NCAM2: variants seen among roughly 807,000 people sequenced by gnomAD.
NCAM2 encodes the protein N-CAM-2.
NCAM2 carries 30 observed loss-of-function variants against 98.1 expected under a neutral mutation model. That is an observed-to-expected ratio of 0.31 (90% CI 0.23 to 0.41). NCAM2 has a LOEUF of 0.41. Ranked by LOEUF, NCAM2 falls within the 10% of genes least tolerant of loss-of-function variation. The pLI, the probability that NCAM2 is intolerant of heterozygous loss-of-function variation, is 1.00. For synonymous variants in NCAM2, 368 were observed against 342.4 expected, an observed-to-expected ratio of 1.07 and a Z score of -0.83; for missense variants, 867 against 1,005.8, an observed-to-expected ratio of 0.86 and a Z score of 1.87.
intron 1 of NCAM2, among the ~76,000 whole-genome samples, chr21:21,073,978 G>A (rs2065626780): frequency 6.6e-6 from 1 of 152,102 alleles, no homozygotes; most frequent in Admixed American, 6.6e-5. Context: ...AGAAAAATTG[G>A]GACCTTCTGA....
Position 21,100,952 on chromosome 21 carries a change from T to TA in NCAM2, c.55+102335dup, listed in dbSNP as rs539648820. On this transcript the variant is annotated intron_variant, in intron 1 of 17. Coordinates refer to ENST00000400546, the MANE Select transcript of NCAM2 (RefSeq NM_004540.5). ...TTAGATTCTAATGAATTTGATCTGT[T>TA]ACATTGACTTATTGACTCTGCCTAA... Among the ~76,000 whole-genome samples the TA allele has an allele frequency of 8.7e-3, 1,330 of 152,188 alleles. 10 individuals carry two copies. The highest frequency in any genetic ancestry group is 0.014 in the Non-Finnish European group (934 of 67,956).
At chr21:21,222,807 T>C (rs569694233) in intron 1 of NCAM2, among the ~76,000 whole-genome samples, 22 of 152,328 alleles carry the variant, frequency 1.4e-4, no homozygotes, top group East Asian at 9.6e-4. Context: ...TTGAGAGGAC[T>C]GACTCTCATT....
intron 9 of NCAM2, among the ~76,000 whole-genome samples, chr21:21,400,668 C>T (rs2145870418): frequency 6.6e-6 from 1 of 151,546 alleles, no homozygotes; most frequent in Admixed American, 6.6e-5. Flanking sequence ...TCACTGCAAC[C>T]TCCATCTCCT....
At chr21:21,325,034 T>A (rs968900719) in intron 6 of NCAM2, among the ~76,000 whole-genome samples, 1 of 149,432 alleles carries the variant, frequency 6.7e-6, no homozygotes, top group East Asian at 2.2e-4. Flanking sequence ...AATTTGATAG[T>A]TTATTTTTTT....
At chr21:21,036,783 A>G (rs2064807916) in intron 1 of NCAM2, among the ~76,000 whole-genome samples, 1 of 152,206 alleles carries the variant, frequency 6.6e-6, no homozygotes, top group Admixed American at 6.5e-5. Context: ...TGCAGACGAT[A>G]GTATTTCAGA....
chr21:21,391,139 A>G (rs1452591894), intron 9 of NCAM2, among the ~76,000 whole-genome samples: 2 of 152,158 alleles, frequency 1.3e-5, no homozygotes, highest in African/African-American at 4.8e-5. Context: ...GATCATTTGA[A>G]CACAGACGTT....
chr21:21,520,227 A>AT (rs761520085), intron 16 of NCAM2, among the ~76,000 whole-genome samples: 1 of 152,164 alleles, frequency 6.6e-6, no homozygotes, highest in Non-Finnish European at 1.5e-5. Context: ...AAGCAGACTC[A>AT]TTCCTTTCTA....
intron 1 of NCAM2, among the ~76,000 whole-genome samples, chr21:21,202,829 A>G (rs2069286617): frequency 6.6e-6 from 1 of 152,244 alleles, no homozygotes; most frequent in African/African-American, 2.4e-5. Context: ...AAACTCTTAA[A>G]TATTTATAAG....
chr21:21,405,309 A>T (rs1362361330), intron 9 of NCAM2, among the ~76,000 whole-genome samples: 1 of 152,108 alleles, frequency 6.6e-6, no homozygotes, highest in Non-Finnish European at 1.5e-5. Context: ...GTTAGTATTA[A>T]CAATGATGGG....
chr21:21,080,619 A>C, intron 1 of NCAM2, among the ~76,000 whole-genome samples: 1 of 151,228 alleles, frequency 6.6e-6, no homozygotes, highest in Non-Finnish European at 1.5e-5. Flanking sequence ...TCTGTCAAAA[A>C]AAAAAAAGAC....
intron 15 of NCAM2, among the ~76,000 whole-genome samples, chr21:21,490,904 T>C (rs1986798368): frequency 6.6e-6 from 1 of 151,916 alleles, no homozygotes; most frequent in Admixed American, 6.6e-5. Flanking sequence ...GTGTGTTTCA[T>C]AGTATATTAA....
intron 1 of NCAM2, among the ~76,000 whole-genome samples, chr21:21,177,189 T>G (rs779396542): frequency 3.2e-4 from 48 of 152,214 alleles, no homozygotes; most frequent in Non-Finnish European, 5.3e-4. Flanking sequence ...TAAATGAAAA[T>G]CGTGTGTAGA....
chr21:21,352,940 G>A (rs1304777898), intron 8 of NCAM2, among the ~76,000 whole-genome samples: 4 of 151,456 alleles, frequency 2.6e-5, no homozygotes, highest in Admixed American at 6.6e-5. Context: ...CACAACTTCC[G>A]CTTTTCGGGT....
chr21:21,135,664 A>G (rs1410657987), intron 1 of NCAM2, among the ~76,000 whole-genome samples: 3 of 151,984 alleles, frequency 2.0e-5, no homozygotes, highest in Non-Finnish European at 2.9e-5. Context: ...CACTATCTCC[A>G]CTATTTCCGT....
At chr21:21,110,379 C>T (rs1169233470) in intron 1 of NCAM2, among the ~76,000 whole-genome samples, 1 of 151,946 alleles carries the variant, frequency 6.6e-6, no homozygotes, top group Non-Finnish European at 1.5e-5. Context: ...CCCAGTTTCC[C>T]CAGTTTGGGT....
chr21:21,269,208 A>G (rs929996413), intron 1 of NCAM2, among the ~76,000 whole-genome samples: 2 of 152,164 alleles, frequency 1.3e-5, no homozygotes, highest in Admixed American at 6.6e-5. Context: ...TAATCTTGGT[A>G]CTAAACATAA....
chr21:21,104,111 T>C (rs1361840756), intron 1 of NCAM2, among the ~76,000 whole-genome samples: 1 of 152,132 alleles, frequency 6.6e-6, no homozygotes, highest in African/African-American at 2.4e-5. Flanking sequence ...TTTTTGAAAC[T>C]CAATTTCCAC....
intron 15 of NCAM2, among the ~76,000 whole-genome samples, chr21:21,498,427 T>C (rs967116513): frequency 1.3e-5 from 2 of 152,182 alleles, no homozygotes; most frequent in African/African-American, 4.8e-5. Flanking sequence ...CTTTTCAAAT[T>C]ATTCATTGAA....
chr21:21,392,032 A>C (rs912978946), intron 9 of NCAM2, among the ~76,000 whole-genome samples: 3 of 152,188 alleles, frequency 2.0e-5, no homozygotes, highest in Non-Finnish European at 4.4e-5. Flanking sequence ...GTGTGTGTAC[A>C]GATTATTTCA....
Sources: gnomAD v4.1 joint callset for allele counts (sites outside exome capture counted in the v4.1 genomes callset) on GRCh38, gnomAD v4.1.1 for gene constraint, MANE v1.5 for transcripts, NCBI Gene and HGNC (gene_info 2026-07-23, HGNC 2026-07-21) for gene names.